Variants in ZNF469 observed in about 807,000 individuals in gnomAD.
The protein encoded by ZNF469 is zinc finger protein 469.
ZNF469 carries 1 observed loss-of-function variant against 1.0 expected under a neutral mutation model. That is an observed-to-expected ratio of 1.00 (90% CI 0.35 to 4.73). The LOEUF is 4.73. Ranked by LOEUF, ZNF469 falls within the 30% of genes most tolerant of loss-of-function variation. The probability of loss-of-function intolerance (pLI) is 0.16; values close to 1 mark genes in which losing one functional copy is unlikely to be tolerated. For synonymous variants in ZNF469, 2,703 were observed against 2,363.4 expected (o/e 1.14, Z -4.17); for missense variants, 6,100 against 5,356.3 (o/e 1.14, Z -4.33).
the ZNF469 span, among the ~76,000 whole-genome samples, chr16:88,374,979 C>T: frequency 6.6e-6 from 1 of 152,234 alleles, no homozygotes; most frequent in South Asian, 2.1e-4. Flanking sequence ...TCCGGGAAAA[C>T]ACAGGCCCCA....
At chr16:88,107,062 G>A in the ZNF469 span, among the ~76,000 whole-genome samples, 16 of 152,190 alleles carry the variant, frequency 1.1e-4, no homozygotes, top group Non-Finnish European at 1.6e-4. Context: ...GCAGGCGGGC[G>A]GGGGTCTGCG....
the ZNF469 span, among the ~76,000 whole-genome samples, chr16:88,271,139 A>G: frequency 6.6e-6 from 1 of 151,762 alleles, no homozygotes; most frequent in East Asian, 1.9e-4. Flanking sequence ...GGGTTGTTGA[A>G]AGGATTCAGT....
At chr16:88,308,171 C>T in the ZNF469 span, among the ~76,000 whole-genome samples, 1 of 152,252 alleles carries the variant, frequency 6.6e-6, no homozygotes, top group African/African-American at 2.4e-5. Context: ...TTCCAGCCCT[C>T]ATTCTCAGTC....
chr16:88,161,229 T>G, the ZNF469 span, among the ~76,000 whole-genome samples: 1 of 152,160 alleles, frequency 6.6e-6, no homozygotes, highest in Admixed American at 6.5e-5. Context: ...TGATTTATCT[T>G]TACAAATACC....
At chr16:88,178,116 C>A in the ZNF469 span, 1 of 152,256 alleles carries the variant, frequency 6.6e-6, no homozygotes, top group Non-Finnish European at 1.5e-5. Flanking sequence ...TAGGAGTGAT[C>A]TCCTTAGTCC....
the ZNF469 span, among the ~76,000 whole-genome samples, chr16:88,118,635 C>T: frequency 7.7e-4 from 118 of 152,262 alleles, no homozygotes; most frequent in Non-Finnish European, 2.4e-4. Context: ...TCAGAGTGCG[C>T]TGATCCAGGC....
At chr16:88,385,251 G>C (rs2092534498) in intron 1 of ZNF469, among the ~76,000 whole-genome samples, 1 of 152,094 alleles carries the variant, frequency 6.6e-6, no homozygotes, top group Non-Finnish European at 1.5e-5. Flanking sequence ...ACCACCGATA[G>C]TGCCCTAGAT....
At chr16:88,172,522 C>G in the ZNF469 span, among the ~76,000 whole-genome samples, 1 of 152,146 alleles carries the variant, frequency 6.6e-6, no homozygotes, top group Non-Finnish European at 1.5e-5. Flanking sequence ...AAGTCCAACG[C>G]TATTCAAAGG....
chr16:88,439,552 C>A lies in ZNF469; in HGVS notation c.*220C>A. ...GGAAGGCTGGGGGTGAAAGACGGGG[C>A]CACTGCAGCCCTTTTGAGACCACAC... is the stretch of plus-strand genomic sequence containing the variant. On this transcript the variant is annotated 3_prime_UTR_variant, in exon 3 of 3. Transcript: ENST00000565624. 1 of 596,296 alleles carries A rather than the reference C, an allele frequency of 1.7e-6. No individual in the cohort carries two copies. 36.9% of individuals were successfully genotyped at this position (596,296 alleles called of 1,614,324 possible). A position where few individuals can be genotyped will look rare whatever the true frequency, so the allele number is the denominator to read the frequency against.
the ZNF469 span, among the ~76,000 whole-genome samples, chr16:88,229,664 A>G: frequency 7.3e-5 from 1 of 13,640 alleles, no homozygotes; most frequent in Non-Finnish European, 2.4e-3. Context: ...ACGCGTGTGG[A>G]TGTCGCGTGT....
chr16:88,287,040 A>G, the ZNF469 span, among the ~76,000 whole-genome samples: 2 of 152,164 alleles, frequency 1.3e-5, no homozygotes, highest in African/African-American at 4.8e-5. Flanking sequence ...GTTCTACCCT[A>G]TAACTAGTGT....
the ZNF469 span, among the ~76,000 whole-genome samples, chr16:88,189,961 G>A: frequency 6.6e-6 from 1 of 152,118 alleles, no homozygotes. This position sits in a 1 kb window ranked among gnomAD's most constrained non-coding sequence, Gnocchi z 4.3. Flanking sequence ...TAACCAACCA[G>A]GAGGCAACCA....
the ZNF469 span, among the ~76,000 whole-genome samples, chr16:88,325,158 GAC>G: frequency 3.5e-5 from 3 of 86,312 alleles, no homozygotes; most frequent in South Asian, 4.5e-4. Flanking sequence ...CAGCAGCTGC[GAC>G]ATACACAGGG....
At chr16:88,103,591 G>T in the ZNF469 span, among the ~76,000 whole-genome samples, 29 of 152,298 alleles carry the variant, frequency 1.9e-4, no homozygotes, top group African/African-American at 6.5e-4. Context: ...GAGAGTAGGG[G>T]TTCCTAGTTT....
chr16:88,323,288 T>C, the ZNF469 span, among the ~76,000 whole-genome samples: 1 of 152,040 alleles, frequency 6.6e-6, no homozygotes, highest in Admixed American at 6.6e-5. Context: ...GGGACACGTG[T>C]CCCAGGCCCT....
At chr16:88,189,777 G>A in the ZNF469 span, among the ~76,000 whole-genome samples, 2 of 152,110 alleles carry the variant, frequency 1.3e-5, no homozygotes, top group Non-Finnish European at 2.9e-5. This position sits in a 1 kb window ranked among gnomAD's most constrained non-coding sequence, Gnocchi z 4.3. Flanking sequence ...AAATTAGCTG[G>A]GCATGGTGGC....
the ZNF469 span, among the ~76,000 whole-genome samples, chr16:88,198,104 C>G: frequency 6.6e-6 from 1 of 152,270 alleles, no homozygotes; most frequent in African/African-American, 2.4e-5. Flanking sequence ...CAAAAACTGT[C>G]TCCTGAGTAC....
At chr16:88,403,164 G>C (rs563280429) in intron 1 of ZNF469, among the ~76,000 whole-genome samples, 1 of 152,320 alleles carries the variant, frequency 6.6e-6, no homozygotes, top group Non-Finnish European at 1.5e-5. Flanking sequence ...CTCGGGGCCA[G>C]TGGCCGTGCT....
chr16:88,192,808 ATGATGG>A, the ZNF469 span, among the ~76,000 whole-genome samples: 1 of 147,026 alleles, frequency 6.8e-6, no homozygotes, highest in Non-Finnish European at 1.5e-5. Flanking sequence ...AATGATGGTA[ATGATGG>A]TGATGGTGGT....
Sources: gnomAD v4.1 joint callset for allele counts (sites outside exome capture counted in the v4.1 genomes callset) on GRCh38, gnomAD v4.1.1 for gene constraint, Gnocchi (gnomAD v3.1) non-coding constraint, MANE v1.5 for transcripts, NCBI Gene and HGNC (gene_info 2026-07-23, HGNC 2026-07-21) for gene names.